ADGRL2: variants seen among roughly 807,000 people sequenced by gnomAD.
ADGRL2 encodes adhesion G protein-coupled receptor L2.
A neutral mutation model predicts 157.4 loss-of-function variants in ADGRL2; 44 were observed. The observed-to-expected ratio is 0.28, with a 90% confidence interval of 0.22 to 0.36. ADGRL2 has a LOEUF of 0.36. ADGRL2 is among the 10% of genes least tolerant of loss of function. ADGRL2 has a pLI of 1.00. For synonymous variants in ADGRL2, 585 were observed against 624.7 expected (o/e 0.94, Z 0.95); for missense variants, 1,510 against 1,768.9 (o/e 0.85, Z 2.63).
chr1:81,463,765 G>T (rs995966775), intron 2 of ADGRL2, among the ~76,000 whole-genome samples: 1 of 152,160 alleles, frequency 6.6e-6, no homozygotes, highest in African/African-American at 2.4e-5. Context: ...CGTGTTCAAG[G>T]CTGGGTCAGG....
At chr1:81,827,146 T>G (rs547200753) in intron 1 of ADGRL2, among the ~76,000 whole-genome samples, 1 of 152,332 alleles carries the variant, frequency 6.6e-6, no homozygotes, top group African/African-American at 2.4e-5. Context: ...TTATTGTGAC[T>G]TCATAATTAT....
intron 10 of ADGRL2, among the ~76,000 whole-genome samples, chr1:81,953,341 G>A (rs1652457462): frequency 1.3e-5 from 2 of 152,100 alleles, no homozygotes; most frequent in South Asian, 4.2e-4. Flanking sequence ...AACAACTTGA[G>A]TAAAACAGCT....
rs1175399844 is a variant in ADGRL2, at chr1:81,986,910, G to C, written c.3518G>C (p.Gly1173Ala). ...STSTLNQGMT[G>A]NYLLTNPLLR... ...TTTTTTTTTACTTTAGGAATGACTGGCAATTACCTACTAACAAACCCTCTT... is the reference window on the plus strand; with the variant it reads ...TTTTTTTTTACTTTAGGAATGACTGCCAATTACCTACTAACAAACCCTCTT... The change falls in exon 22 of 24, where the codon GGC (glycine) becomes GCC (alanine). Residue 1173 changes from glycine (G) to alanine (A), a missense_variant. Transcript: ENST00000686636. 6.2e-7 allele frequency: 1 copy of C among 1,606,550 alleles called. No individual in the cohort carries two copies. Among genetic ancestry groups the C allele is most frequent in the Admixed American group, 1.7e-5 (1 of 59,520 alleles).
chr1:81,782,515 C>T (rs2086858466), intron 2 of ADGRL2, among the ~76,000 whole-genome samples: 1 of 152,278 alleles, frequency 6.6e-6, no homozygotes, highest in Admixed American at 6.5e-5. Context: ...GTTAGTTACA[C>T]CCAGTGAGCC....
chr1:81,986,309 G>T (rs1663137190), intron 21 of ADGRL2, among the ~76,000 whole-genome samples: 1 of 151,988 alleles, frequency 6.6e-6, no homozygotes, highest in Non-Finnish European at 1.5e-5. Flanking sequence ...GAAAATTCTT[G>T]TTATATAGAA....
At chr1:81,518,266 T>C (rs1289700696) in intron 2 of ADGRL2, among the ~76,000 whole-genome samples, 1 of 152,258 alleles carries the variant, frequency 6.6e-6, no homozygotes, top group African/African-American at 2.4e-5. Context: ...CAGTGTGTCC[T>C]GGGAGTAGAT....
intron 1 of ADGRL2, among the ~76,000 whole-genome samples, chr1:81,821,149 G>A (rs2090953122): frequency 6.6e-6 from 1 of 152,022 alleles, no homozygotes; most frequent in African/African-American, 2.4e-5. Context: ...ACTAGTTAAG[G>A]AAACTAAAAA....
chr1:81,815,894 T>TA (rs1446384644), intron 1 of ADGRL2, among the ~76,000 whole-genome samples: 2 of 151,790 alleles, frequency 1.3e-5, no homozygotes, highest in Non-Finnish European at 3.0e-5. Flanking sequence ...AAACATCCGA[T>TA]AACGAAGCAT....
chr1:81,726,278 T>G (rs2084525717), intron 1 of ADGRL2, among the ~76,000 whole-genome samples: 1 of 152,130 alleles, frequency 6.6e-6, no homozygotes, highest in South Asian at 2.1e-4. Context: ...GGGTCATACA[T>G]CCTTCCCTGG....
chr1:81,892,322 A>G (rs1428770410), intron 2 of ADGRL2, among the ~76,000 whole-genome samples: 1 of 152,166 alleles, frequency 6.6e-6, no homozygotes, highest in Non-Finnish European at 1.5e-5. Context: ...TCTCAATAAT[A>G]TCTGTACAGA....
intron 1 of ADGRL2, among the ~76,000 whole-genome samples, chr1:81,364,468 G>C (rs1226066342): frequency 6.6e-6 from 1 of 152,000 alleles, no homozygotes; most frequent in African/African-American, 2.4e-5. Context: ...GGTTAACTCT[G>C]TTGTCTGAAC....
intron 1 of ADGRL2, among the ~76,000 whole-genome samples, chr1:81,737,853 A>T (rs2084952602): frequency 6.6e-6 from 1 of 152,164 alleles, no homozygotes; most frequent in Non-Finnish European, 1.5e-5. Flanking sequence ...TCTCTTTTTA[A>T]TTTATAGTTG....
At chr1:81,957,370 A>AT (rs1380574232) in intron 11 of ADGRL2, among the ~76,000 whole-genome samples, 2 of 152,068 alleles carry the variant, frequency 1.3e-5, no homozygotes, top group African/African-American at 4.8e-5. Flanking sequence ...CCAGGAATAC[A>AT]TTTTTTCTAG....
chr1:81,468,883 A>T (rs1427229924), intron 2 of ADGRL2, among the ~76,000 whole-genome samples: 2 of 152,208 alleles, frequency 1.3e-5, no homozygotes, highest in Non-Finnish European at 2.9e-5. Flanking sequence ...CATCACAATC[A>T]CAAAAGTAAA....
chr1:81,925,383 AT>A (rs1380638081), intron 3 of ADGRL2, among the ~76,000 whole-genome samples: 5 of 152,052 alleles, frequency 3.3e-5, no homozygotes, highest in African/African-American at 1.2e-4. Context: ...CTGCCAAAAT[AT>A]TTTAGAAGTT....
At chr1:81,403,139 G>A (rs1426363094) in intron 1 of ADGRL2, among the ~76,000 whole-genome samples, 1 of 152,054 alleles carries the variant, frequency 6.6e-6, no homozygotes, top group Non-Finnish European at 1.5e-5. Flanking sequence ...TGTCCTTGAT[G>A]AGATGACCTT....
intron 3 of ADGRL2, among the ~76,000 whole-genome samples, chr1:81,918,607 G>C (rs1459548880): frequency 1.3e-5 from 2 of 152,102 alleles, no homozygotes; most frequent in African/African-American, 4.8e-5. Flanking sequence ...GCACAGGCTG[G>C]AGCAGTGTAG....
At position 81,955,976 on chromosome 1, in the gene ADGRL2, C is replaced by T; in HGVS notation, c.1933C>T (p.Leu645Phe). The change falls in exon 11 of 24, where the codon CTC becomes TTC. Residue 645 changes from leucine (L) to phenylalanine (F), a missense_variant. Transcript: ENST00000686636. ...SEQAHTATML[L>F]DTLEEGAFVL... ...ACAAGCACATACTGCAACAATGTTA[C>T]TCGATACATTGGAAGAAGGAGCTTT... The T allele has an allele frequency of 6.2e-7, 1 of 1,611,438 alleles. No individual in the cohort carries two copies. The highest frequency in any genetic ancestry group is 8.5e-7 in the Non-Finnish European group (1 of 1,178,764).
At chr1:81,838,350 C>T (rs1166204693) in intron 2 of ADGRL2, among the ~76,000 whole-genome samples, 1 of 151,914 alleles carries the variant, frequency 6.6e-6, no homozygotes, top group Non-Finnish European at 1.5e-5. Context: ...ATAGTGTTCA[C>T]TTGGATTTAA....
Sources: allele counts gnomAD v4.1 joint callset (sites outside exome capture counted in the v4.1 genomes callset), GRCh38; gene constraint gnomAD v4.1.1; transcripts MANE v1.5; gene names NCBI Gene and HGNC (gene_info 2026-07-23, HGNC 2026-07-21).